The following ACTN4 variants were observed in gnomAD, a reference collection of about 807,000 sequenced individuals.
ACTN4 encodes actinin alpha 4.
Under a neutral mutation model 114.2 loss-of-function variants are expected in ACTN4, and 18 were observed. That is an observed-to-expected ratio of 0.16 (90% confidence interval 0.11 to 0.23). ACTN4 has a LOEUF of 0.23. ACTN4 is among the 10% of genes least tolerant of loss of function. The probability of loss-of-function intolerance (pLI) is 1.00; values close to 1 mark genes in which losing one functional copy is unlikely to be tolerated. For missense variants in ACTN4, 722 were observed against 1,262.9 expected (o/e 0.57, Z 6.49); for synonymous variants, 515 against 506.3 (o/e 1.02, Z -0.23).
intron 13 of ACTN4, 43 bp from the exon 14 acceptor site, chr19:38,723,894 C>G: frequency 6.2e-7 from 1 of 1,610,198 alleles, no homozygotes; most frequent in South Asian, 1.1e-5. Context: ...ACATACTGAC[C>G]TGCCTTCCCT....
In ACTN4 at chr19:38,730,725, G is replaced by T; in HGVS notation, c.*1293G>T. 8.3e-7 allele frequency: 1 copy of T among 1,206,334 alleles called. No individual in the cohort carries two copies. The highest frequency in any genetic ancestry group is 1.2e-6 in the Non-Finnish European group (1 of 849,676). 74.7% of individuals were successfully genotyped at this position (1,206,334 alleles called of 1,614,324 possible). On this transcript the variant is annotated 3_prime_UTR_variant, in exon 21 of 21. Transcript: ENST00000252699. ...GAGTGGTCACCCGGCCGTGAGCAGT[G>T]AGGGCCAGAGACTAGCCCCAGACAG...
Position 38,696,301 on chromosome 19 carries a change from C to T in ACTN4, c.163-4299C>T, listed in dbSNP as rs373095124. Among the ~76,000 whole-genome samples the T allele has an allele frequency of 2.3e-4, 35 of 152,212 alleles. No homozygotes were observed. The South Asian group carries it at 7.0e-3, about 31-fold the overall frequency. ...GCCCTCTGCTGACCCCCAGCATATG[C>T]TTGTCCAGAGAATGAATATGTACGG... is the stretch of plus-strand genomic sequence containing the variant. On this transcript the variant is annotated intron_variant, in intron 1 of 20. Transcript: ENST00000252699.
chr19:38,662,938 C>T (rs1243494470), intron 1 of ACTN4, among the ~76,000 whole-genome samples: 1 of 150,316 alleles, frequency 6.7e-6, no homozygotes, highest in Non-Finnish European at 1.5e-5. Flanking sequence ...GACAGAGTTT[C>T]CCTCTTGTTG....
chr19:38,699,744 G>A (rs1186433400), intron 1 of ACTN4, among the ~76,000 whole-genome samples: 1 of 148,672 alleles, frequency 6.7e-6, no homozygotes, highest in Admixed American at 6.7e-5. Context: ...GACAGAGCGA[G>A]ACTCCTTCTC....
At position 38,729,411 on chromosome 19, in the gene ACTN4, G is replaced by A. The variant is rs766678408; in HGVS notation, c.2715G>A (p.Leu905=). ...ACTACAAGTCCTTCTCCACGGCCTTGTATGGCGAGAGCGACCTGTGAGGCC... is the reference window on the plus strand; with the variant it reads ...ACTACAAGTCCTTCTCCACGGCCTTATATGGCGAGAGCGACCTGTGAGGCC... ...ALDYKSFSTA[L]YGESDL Residue 905 remains leucine, a synonymous_variant, in exon 21 of 21, where the codon TTG becomes TTA. Transcript: ENST00000252699. 1 of 1,612,882 alleles carries A rather than the reference G, an allele frequency of 6.2e-7. No individual in the cohort carries two copies. The highest frequency in any genetic ancestry group is 1.7e-5 in the Admixed American group (1 of 60,018).
At chr19:38,718,121 C>T (rs572602792) in intron 11 of ACTN4, 47 bp downstream of exon 11, 2 of 1,568,976 alleles carry the variant, frequency 1.3e-6, no homozygotes, top group South Asian at 2.3e-5. Flanking sequence ...CTCCCGTGCT[C>T]CCCTCCTGTC....
At chr19:38,658,643 C>T (rs1194674282) in intron 1 of ACTN4, among the ~76,000 whole-genome samples, 1 of 152,186 alleles carries the variant, frequency 6.6e-6, no homozygotes, top group Non-Finnish European at 1.5e-5. Flanking sequence ...CCAGTTCTGG[C>T]CTATGAAATA....
Position 38,729,808 on chromosome 19 carries a change from A to C in ACTN4, c.*376A>C. 1 of 424,222 alleles carries C rather than the reference A, an allele frequency of 2.4e-6. No individual in the cohort carries two copies. Among genetic ancestry groups the C allele is most frequent in the South Asian group, 1.8e-5 (1 of 55,718 alleles). The allele number at this position is 424,222 out of a possible 1,614,324, so 26.3% of individuals were successfully genotyped here. On this transcript the variant is annotated 3_prime_UTR_variant, in exon 21 of 21. Coordinates refer to ENST00000252699, the MANE Select transcript of ACTN4 (RefSeq NM_004924.6). ...TCTGAGGTCCCTTCAAGGCCTCCCCAATCCAGGCCAAAGCCCCATGTGCCT... is the reference window on the plus strand; with the variant it reads ...TCTGAGGTCCCTTCAAGGCCTCCCCCATCCAGGCCAAAGCCCCATGTGCCT...
rs1969148521 is a variant in ACTN4, at chr19:38,724,168, A to G, written c.1704A>G (p.Ser568=). The G allele has an allele frequency of 6.2e-7, 1 of 1,613,686 alleles. No individual in the cohort carries two copies. The highest frequency in any genetic ancestry group is 8.5e-7 in the Non-Finnish European group (1 of 1,179,934). The change falls in exon 15 of 21, where the codon TCA becomes TCG. Residue 568 remains serine, a synonymous_variant. Transcript: ENST00000252699. This position sits in a 1 kb window ranked among gnomAD's most constrained non-coding sequence, Gnocchi z 7.0. ...HTIEEIEGLI[S]AHDQFKSTLP... ...AGCTCCTCCCCTAGGGCCTGATCTC[A>G]GCCCATGACCAGTTCAAGTCCACCC...
At chr19:38,705,614 A>C (rs1968432198) in intron 4 of ACTN4, among the ~76,000 whole-genome samples, 1 of 152,236 alleles carries the variant, frequency 6.6e-6, no homozygotes, top group Non-Finnish European at 1.5e-5. Flanking sequence ...CACGGGGAAC[A>C]GAAGGGCCCC....
At position 38,731,432 on chromosome 19, in the gene ACTN4, C is replaced by G. The variant is rs535464324; in HGVS notation, c.*2000C>G. 3.4e-6 allele frequency: 2 copies of G among 596,666 alleles called. No individual in the cohort carries two copies. Among genetic ancestry groups the G allele is most frequent in the Admixed American group, 2.8e-5 (1 of 36,126 alleles). The allele number at this position is 596,666 out of a possible 1,614,324, so 37.0% of individuals were successfully genotyped here. On this transcript the variant is annotated 3_prime_UTR_variant, in exon 21 of 21. Coordinates refer to ENST00000252699, the MANE Select transcript of ACTN4 (RefSeq NM_004924.6). ...CAAACGGACTAAGACAGCCCCGACC[C>G]CATAGGGTGTGTGAAGACAGAACGC...
chr19:38,677,059 C>A (rs1307535062), intron 1 of ACTN4, among the ~76,000 whole-genome samples: 2 of 152,192 alleles, frequency 1.3e-5, no homozygotes, highest in Non-Finnish European at 2.9e-5. Flanking sequence ...TGAGGGACTT[C>A]ACACGGGGCC....
intron 1 of ACTN4, among the ~76,000 whole-genome samples, chr19:38,682,148 A>T (rs537186841): frequency 5.9e-5 from 9 of 151,938 alleles, no homozygotes; most frequent in African/African-American, 2.2e-4. Context: ...TTTCAGATTT[A>T]AAGCAAAGAG....
At chr19:38,681,412 C>T (rs1037642509) in intron 1 of ACTN4, among the ~76,000 whole-genome samples, 6 of 152,132 alleles carry the variant, frequency 3.9e-5, no homozygotes, top group African/African-American at 1.4e-4. Flanking sequence ...GATCTCCACC[C>T]CCCACTGCCC....
intron 11 of ACTN4, chr19:38,718,347 C>T (rs566510105): frequency 1.0e-5 from 6 of 592,978 alleles, no homozygotes; most frequent in African/African-American, 3.7e-5. Flanking sequence ...GGCAACATAG[C>T]GAGACCCTGC....
At chr19:38,659,960 C>G (rs183742042) in intron 1 of ACTN4, among the ~76,000 whole-genome samples, 1 of 137,564 alleles carries the variant, frequency 7.3e-6, no homozygotes, top group Non-Finnish European at 1.5e-5. Flanking sequence ...TGCTCTGTTG[C>G]CCAGGCTGGA....
At chr19:38,728,410 GCTCCTCCTC>G (rs371829169) in intron 19 of ACTN4, 14,358 of 771,930 alleles carry the variant, frequency 0.019, 795 homozygotes, top group South Asian at 0.14. Context: ...CCAGCCACCC[GCTCCTCCTC>G]CTCCTCCTCC....
rs985027280 is a variant in ACTN4 at position 38,692,304 on chromosome 19, C to T, written c.163-8296C>T. 5.2e-5 allele frequency among the ~76,000 whole-genome samples: 8 copies of T among 152,390 alleles called. No individual in the cohort carries two copies. In the East Asian group the frequency reaches 5.8e-4, roughly 11 times the overall value. On this transcript the variant is annotated intron_variant, in intron 1 of 20. Coordinates refer to ENST00000252699, the MANE Select transcript of ACTN4 (RefSeq NM_004924.6). ...GCTGCCCCGTGTGTCGCTGAACTGC[C>T]GCAGTGCTAGCCCTGATTGCCTGGG...
intron 1 of ACTN4, among the ~76,000 whole-genome samples, chr19:38,695,593 TG>T (rs1968066217): frequency 6.6e-6 from 1 of 152,110 alleles, no homozygotes; most frequent in East Asian, 1.9e-4. Flanking sequence ...TTTCCCTGCA[TG>T]GCAGGGACAG....
Sources: gnomAD v4.1 joint callset for allele counts (sites outside exome capture counted in the v4.1 genomes callset) on GRCh38, gnomAD v4.1.1 for gene constraint, Gnocchi (gnomAD v3.1) non-coding constraint, MANE v1.5 for transcripts, NCBI Gene and HGNC (gene_info 2026-07-23, HGNC 2026-07-21) for gene names.